The following CCDC148 variants were observed in gnomAD, a reference collection of about 807,000 sequenced individuals.
CCDC148 encodes the protein coiled-coil domain-containing protein 148.
Under a neutral mutation model 85.7 loss-of-function variants are expected in CCDC148, and 89 were observed. The ratio of observed to expected loss-of-function variants is 1.04; its 90% confidence interval spans 0.87 to 1.24. CCDC148 has a LOEUF of 1.24. Ranked by LOEUF, CCDC148 falls within the 50% of genes most tolerant of loss-of-function variation. The pLI, the probability that CCDC148 is intolerant of heterozygous loss-of-function variation, is 0.00. For synonymous variants in CCDC148, 230 were observed against 213.9 expected (o/e 1.08, Z -0.66); for missense variants, 692 against 671.7 (o/e 1.03, Z -0.33).
chr2:158,207,853 C>T (rs534114437), intron 11 of CCDC148, among the ~76,000 whole-genome samples: 7 of 152,030 alleles, frequency 4.6e-5, no homozygotes, highest in Non-Finnish European at 7.4e-5. Context: ...AATGGGCATA[C>T]GTAATTCACA....
chr2:158,227,445 G>A (rs1687607325), intron 10 of CCDC148, among the ~76,000 whole-genome samples: 1 of 151,958 alleles, frequency 6.6e-6, no homozygotes, highest in Admixed American at 6.6e-5. Flanking sequence ...TCACAGAATT[G>A]GAAAAAACTA....
chr2:158,450,348 T>G (rs1482698563), intron 1 of CCDC148, among the ~76,000 whole-genome samples: 1 of 152,234 alleles, frequency 6.6e-6, no homozygotes, highest in East Asian at 1.9e-4. Flanking sequence ...AGCCCTCTAC[T>G]GTGGTGATCA....
At position 158,373,603 on chromosome 2, in the gene CCDC148, C is replaced by T. The variant is rs1033578372; in HGVS notation, c.26-15033G>A. Among the ~76,000 whole-genome samples the T allele has an allele frequency of 7.9e-5, 12 of 152,010 alleles. 1 individual carries two copies. Among genetic ancestry groups the T allele is most frequent in the Non-Finnish European group, 2.9e-5 (2 of 67,970 alleles). Reference sequence around the variant, plus strand: ...TCCTTTCCCTTGTACTACTATTACACTTTGTGTTTGCTCCTACTGTTTCTC... The same window carrying T: ...TCCTTTCCCTTGTACTACTATTACATTTTGTGTTTGCTCCTACTGTTTCTC... On this transcript the variant is annotated intron_variant, in intron 1 of 13. Transcript: ENST00000283233.
At chr2:158,201,968 T>C (rs186762448) in intron 11 of CCDC148, among the ~76,000 whole-genome samples, 61 of 152,286 alleles carry the variant, frequency 4.0e-4, no homozygotes, top group Non-Finnish European at 7.5e-4. Context: ...CAACTCTCTT[T>C]CAAATGGCAT....
chr2:158,430,023 C>T (rs745921002), intron 1 of CCDC148, among the ~76,000 whole-genome samples: 1 of 152,202 alleles, frequency 6.6e-6, no homozygotes, highest in Non-Finnish European at 1.5e-5. Flanking sequence ...GTTCATAAAT[C>T]TGCATGTGGC....
At chr2:158,242,177 A>G (rs1010147262) in intron 10 of CCDC148, among the ~76,000 whole-genome samples, 1 of 152,170 alleles carries the variant, frequency 6.6e-6, no homozygotes, top group Non-Finnish European at 1.5e-5. Context: ...AACCAGGCAA[A>G]GAGAAAAAGA....
At chr2:158,314,143 T>C (rs1170432643) in intron 7 of CCDC148, among the ~76,000 whole-genome samples, 1 of 152,214 alleles carries the variant, frequency 6.6e-6, no homozygotes, top group Admixed American at 6.5e-5. Context: ...TGATGAGACA[T>C]AGTATTTCAA....
At position 158,172,099 on chromosome 2, in the gene CCDC148, T is replaced by C. The variant is rs1684342022; in HGVS notation, c.*14A>G. The C allele has an allele frequency of 6.4e-7, 1 of 1,561,946 alleles. No individual in the cohort carries two copies. The highest frequency in any genetic ancestry group is 2.0e-5 in the Admixed American group (1 of 49,742). On this transcript the variant is annotated 3_prime_UTR_variant, in exon 14 of 14. Coordinates refer to ENST00000283233, the MANE Select transcript of CCDC148 (RefSeq NM_138803.4). Reference sequence around the variant, plus strand: ...AGAAAAATGCTCTTTACATATAGAATTTGAGGATGAGCTCTATATTTTAAA... The same window carrying C: ...AGAAAAATGCTCTTTACATATAGAACTTGAGGATGAGCTCTATATTTTAAA...
chr2:158,328,796 A>G (rs1400470147), intron 7 of CCDC148, among the ~76,000 whole-genome samples: 1 of 152,078 alleles, frequency 6.6e-6, no homozygotes, highest in Non-Finnish European at 1.5e-5. Flanking sequence ...GTGTCTGCTG[A>G]CTGCATAAAT....
intron 7 of CCDC148, among the ~76,000 whole-genome samples, chr2:158,330,420 C>A (rs964226135): frequency 5.3e-5 from 8 of 152,046 alleles, no homozygotes; most frequent in Non-Finnish European, 1.0e-4. Flanking sequence ...CAGCATTTTA[C>A]TGAGGATTTT....
rs146326742 is a variant in CCDC148, at chr2:158,442,561, C to T, written c.25+13854G>A. ...CACAAATTATGCCAGTCTTCCTCTT[C>T]TCATCAGGCTTTTGCCCAACATTTG... On this transcript the variant is annotated intron_variant, in intron 1 of 13. Transcript: ENST00000283233. Among the ~76,000 whole-genome samples the T allele has an allele frequency of 3.2e-4, 48 of 152,314 alleles. No homozygotes were observed. The East Asian group carries it at 6.9e-3, about 22-fold the overall frequency.
At chr2:158,267,701 G>T (rs1283140371) in intron 9 of CCDC148, among the ~76,000 whole-genome samples, 3 of 152,172 alleles carry the variant, frequency 2.0e-5, no homozygotes, top group African/African-American at 7.2e-5. Flanking sequence ...TAAAACCTCA[G>T]TCTTAACTGA....
At chr2:158,208,439 T>A (rs1424459092) in intron 11 of CCDC148, among the ~76,000 whole-genome samples, 2 of 152,154 alleles carry the variant, frequency 1.3e-5, no homozygotes, top group Non-Finnish European at 2.9e-5. Context: ...CCTCTGCAGC[T>A]AGAGCATGAG....
chr2:158,452,548 T>A (rs1688447273), intron 1 of CCDC148, among the ~76,000 whole-genome samples: 1 of 152,242 alleles, frequency 6.6e-6, no homozygotes, highest in Admixed American at 6.5e-5. Context: ...GTAGGCATAT[T>A]GTGGTCCCTT....
At chr2:158,379,023 G>T (rs1449135038) in intron 1 of CCDC148, among the ~76,000 whole-genome samples, 1 of 152,080 alleles carries the variant, frequency 6.6e-6, no homozygotes, top group Non-Finnish European at 1.5e-5. Context: ...ATTTCATAAG[G>T]CTATAGCTGC....
chr2:158,307,258 G>A (rs1319228499), intron 9 of CCDC148, among the ~76,000 whole-genome samples: 2 of 151,924 alleles, frequency 1.3e-5, no homozygotes, highest in Admixed American at 1.3e-4. Context: ...AGAAAAATAG[G>A]CAAAAGACTT....
intron 10 of CCDC148, among the ~76,000 whole-genome samples, chr2:158,245,239 C>T (rs554813661): frequency 1.3e-5 from 2 of 152,262 alleles, no homozygotes; most frequent in South Asian, 4.1e-4. Flanking sequence ...CTGCAGGAAA[C>T]ATGTAATTTG....
intron 11 of CCDC148, among the ~76,000 whole-genome samples, chr2:158,186,337 C>A (rs560070605): frequency 6.6e-6 from 1 of 152,176 alleles, no homozygotes; most frequent in African/African-American, 2.4e-5. Context: ...CCCCTGCCAA[C>A]ACCTTGAACT....
chr2:158,227,892 C>A (rs1415641320), intron 10 of CCDC148, among the ~76,000 whole-genome samples: 1 of 152,124 alleles, frequency 6.6e-6, no homozygotes. Flanking sequence ...AGGACATAGG[C>A]ATGGGCAAGG....
Sources: allele counts gnomAD v4.1 joint callset (sites outside exome capture counted in the v4.1 genomes callset), GRCh38; gene constraint gnomAD v4.1.1; transcripts MANE v1.5; gene names NCBI Gene and HGNC (gene_info 2026-07-23, HGNC 2026-07-21).